ZNF649: variants seen among roughly 807,000 people sequenced by gnomAD.
ZNF649 encodes zinc finger protein 649.
In ZNF649, 7 loss-of-function variants were observed where a neutral mutation model predicts 14.1. The ratio of observed to expected loss-of-function variants is 0.49; its 90% CI spans 0.28 to 0.93. The LOEUF is 0.93. Ranked by LOEUF, ZNF649 falls within the 40% of genes least tolerant of loss-of-function variation. ZNF649 has a pLI of 0.10. For synonymous variants in ZNF649, 227 were observed against 212.3 expected (o/e 1.07, Z -0.60); for missense variants, 544 against 608.1 (o/e 0.89, Z 1.11).
intron 1 of ZNF649, among the ~76,000 whole-genome samples, chr19:51,900,652 A>G (rs934289668): frequency 1.3e-5 from 2 of 152,212 alleles, no homozygotes; most frequent in African/African-American, 4.8e-5. Context: ...TGATTTTCCA[A>G]AACTTATTGT....
At position 51,891,669 on chromosome 19, in the gene ZNF649, C is replaced by G. The variant is rs773857895; in HGVS notation, c.467G>C (p.Arg156Thr). The change falls in exon 5 of 5, where the codon AGA becomes ACA. Residue 156 changes from arginine to threonine, a missense_variant. Arg to Thr is a moderately conservative substitution (Grantham distance 71). Coordinates refer to ENST00000354957, the MANE Select transcript of ZNF649 (RefSeq NM_023074.4). This position sits in a 1 kb window ranked among gnomAD's most constrained non-coding sequence, Gnocchi z 4.2. ...TTGTGACTTGGTGCTGATGGGTTTTCTACTTTCAGGGAATTCAATTTCCGT... is the reference window on the plus strand; with the variant it reads ...TTGTGACTTGGTGCTGATGGGTTTTGTACTTTCAGGGAATTCAATTTCCGT... ...MPTEIEFPES[R>T]KPISTKSQFL... 2.5e-6 allele frequency: 4 copies of G among 1,613,926 alleles called. No homozygotes were observed. In the Admixed American group the frequency reaches 6.7e-5, roughly 27 times the overall value.
At position 51,896,463 on chromosome 19, in the gene ZNF649, C is replaced by T. The variant is rs1262123232; in HGVS notation, c.238+9G>A. 1 of 1,613,548 alleles carries T rather than the reference C, an allele frequency of 6.2e-7. No individual in the cohort carries two copies. The highest frequency in any genetic ancestry group is 1.1e-5 in the South Asian group (1 of 91,056). On this transcript the variant is annotated intron_variant, in intron 4 of 4. Coordinates refer to ENST00000354957, the MANE Select transcript of ZNF649 (RefSeq NM_023074.4). ...TGCCTTCCCCTCTTGCTGGTTCTCTCTCACTTACCTGGGTGGGCTGGACTG... is the reference window on the plus strand; with the variant it reads ...TGCCTTCCCCTCTTGCTGGTTCTCTTTCACTTACCTGGGTGGGCTGGACTG...
At chr19:51,894,108 A>C (rs1055695621) in intron 4 of ZNF649, among the ~76,000 whole-genome samples, 1 of 151,834 alleles carries the variant, frequency 6.6e-6, no homozygotes, top group African/African-American at 2.4e-5. Context: ...TGTGGCCTCC[A>C]TGTGACCAGT....
chr19:51,892,709 T>A (rs1164322616), intron 4 of ZNF649, among the ~76,000 whole-genome samples: 3 of 152,108 alleles, frequency 2.0e-5, no homozygotes, highest in Non-Finnish European at 4.4e-5. Context: ...ACGCTAACTT[T>A]CCTAGAGCAC....
Position 51,896,567 on chromosome 19 carries a change from CCT to C in ZNF649, c.143-2_143-1del, listed in dbSNP as rs749554730. 9.3e-6 allele frequency: 15 copies of C among 1,613,874 alleles called. No individual in the cohort carries two copies. In the Admixed American group the frequency reaches 2.3e-4, roughly 25 times the overall value. On this transcript the variant is annotated splice_acceptor_variant, in intron 3 of 4. Coordinates refer to ENST00000354957, the MANE Select transcript of ZNF649 (RefSeq NM_023074.4). LOFTEE classifies it high-confidence loss of function. ...GGCATCAGGTTTGCCGGCTTGATAC[CCT>C]GTTTGTGGGAAATGGGAGAAGACTT...
intron 2 of ZNF649, 57 bp from the exon 3 acceptor site, chr19:51,897,035 T>A: frequency 6.2e-7 from 1 of 1,609,472 alleles, no homozygotes; most frequent in Non-Finnish European, 8.5e-7. Context: ...GGAAGAAATA[T>A]GAAGTTGTTC....
chr19:51,891,937 C>T lies in ZNF649; in HGVS notation c.239-40G>A, dbSNP rs202228647. On this transcript the variant is annotated intron_variant, in intron 4 of 4. Coordinates refer to ENST00000354957, the MANE Select transcript of ZNF649 (RefSeq NM_023074.4). The surrounding 1 kb of genome is among the most constrained non-coding windows in gnomAD (Gnocchi z 4.2). ...AATAAATCCTTCCATGATCATCACA[C>T]GGAATAAAACTGCTTCAAAGATGCC... 29 of 1,507,494 alleles carry T rather than the reference C, an allele frequency of 1.9e-5. No individual in the cohort carries two copies. The highest frequency in any genetic ancestry group is 1.7e-4 in the South Asian group (12 of 70,786). 93.4% of individuals were successfully genotyped at this position (1,507,494 alleles called of 1,614,324 possible).
At position 51,889,857 on chromosome 19, in the gene ZNF649, T is replaced by C. The variant is rs1568454131; in HGVS notation, c.*761A>G. On this transcript the variant is annotated 3_prime_UTR_variant, in exon 5 of 5. Coordinates refer to ENST00000354957, the MANE Select transcript of ZNF649 (RefSeq NM_023074.4). ...AAGAAGACATAGAATAAACAACAAA[T>C]AGTAAGTTAGTAATTTAAACCTAAA... 6.6e-6 allele frequency: 1 copy of C among 152,082 alleles called. No individual in the cohort carries two copies. Among genetic ancestry groups the C allele is most frequent in the Admixed American group, 6.5e-5 (1 of 15,272 alleles). The allele number at this position is 152,082 out of a possible 1,614,324, so 9.4% of individuals were successfully genotyped here. A position where few individuals can be genotyped will look rare whatever the true frequency, so the allele number is the denominator to read the frequency against.
intron 4 of ZNF649, among the ~76,000 whole-genome samples, chr19:51,893,064 A>G (rs1041882850): frequency 6.6e-6 from 1 of 152,152 alleles, no homozygotes; most frequent in African/African-American, 2.4e-5. Context: ...TCCACAGGCC[A>G]TAACTGCAGC....
rs772762603 is a variant in ZNF649, at chr19:51,891,235, T to C, written c.901A>G (p.Arg301Gly). The C allele has an allele frequency of 2.5e-6, 4 of 1,614,154 alleles. No individual in the cohort carries two copies. The highest frequency in any genetic ancestry group is 3.3e-5 in the Admixed American group (2 of 60,004). The change falls in exon 5 of 5, where the codon AGA becomes GGA. Residue 301 changes from arginine (R) to glycine (G), a missense_variant. Arg to Gly is a moderately radical substitution (Grantham distance 125, BLOSUM62 -2). Transcript: ENST00000354957. The surrounding 1 kb of genome is among the most constrained non-coding windows in gnomAD (Gnocchi z 4.2). Reference protein sequence around the residue: ...QCSECGRAFSRKSLLVVHQRT... With the variant: ...QCSECGRAFSGKSLLVVHQRT... ...TGATGTACAACGAGTAGTGATTTTC[T>C]GGAGAAAGCTCTCCCACATTCGCTG...
In ZNF649 at chr19:51,891,055, G is replaced by C; in HGVS notation, c.1081C>G (p.Leu361Val). 1.9e-6 allele frequency: 3 copies of C among 1,614,182 alleles called. No individual in the cohort carries two copies. Among genetic ancestry groups the C allele is most frequent in the Non-Finnish European group, 2.5e-6 (3 of 1,180,036 alleles). The change falls in exon 5 of 5, where the codon CTT becomes GTT. Residue 361 changes from leucine (L) to valine (V), a missense_variant. Physicochemically the swap from Leu to Val is conservative, Grantham distance 32. Coordinates refer to ENST00000354957, the MANE Select transcript of ZNF649 (RefSeq NM_023074.4). This position sits in a 1 kb window ranked among gnomAD's most constrained non-coding sequence, Gnocchi z 4.2. ...CGKAFSQKSC[L>V]VAHQRYHTGK... The stretch of plus-strand genomic sequence containing the variant: ...GTATGATATCTCTGATGTGCTACAA[G>C]GCAAGACTTCTGGCTGAAGGCCTTG...
Position 51,891,522 on chromosome 19 carries a change from G to T in ZNF649, c.614C>A (p.Pro205His). ...EHKRIHTGKKPHVCSLCGKAF... is the reference protein window; with the variant it reads ...EHKRIHTGKKHHVCSLCGKAF... The stretch of plus-strand genomic sequence containing the variant: ...TTTCCCACACAAGCTACACACGTGG[G>T]GTTTCTTTCCTGTATGAATTCTCTT... Residue 205 changes from proline to histidine, a missense_variant, in exon 5 of 5, where the codon CCC becomes CAC. Pro to His is a moderately conservative substitution (Grantham distance 77). Coordinates refer to ENST00000354957, the MANE Select transcript of ZNF649 (RefSeq NM_023074.4). This position sits in a 1 kb window ranked among gnomAD's most constrained non-coding sequence, Gnocchi z 4.2. The T allele has an allele frequency of 1.2e-6, 2 of 1,614,220 alleles. No homozygotes were observed. Among genetic ancestry groups the T allele is most frequent in the Non-Finnish European group, 1.7e-6 (2 of 1,180,038 alleles).
At chr19:51,902,302 GAT>G (rs1408108546) in intron 1 of ZNF649, among the ~76,000 whole-genome samples, 1 of 152,204 alleles carries the variant, frequency 6.6e-6, no homozygotes, top group Non-Finnish European at 1.5e-5. Flanking sequence ...TGTGTATCTA[GAT>G]ATAGTGTCAG....
chr19:51,891,570 T>C lies in ZNF649; in HGVS notation c.566A>G (p.Lys189Arg). Reference sequence around the variant, plus strand: ...CTTATGCTCAGTGAGCTGAGACTTCTTGAGGAAAGCTTTCCCACAGTCAGT... The same window carrying C: ...CTTATGCTCAGTGAGCTGAGACTTCCTGAGGAAAGCTTTCCCACAGTCAGT... ...ECTDCGKAFL[K>R]KSQLTEHKRI... The change falls in exon 5 of 5, where the codon AAG becomes AGG. Residue 189 changes from lysine to arginine, a missense_variant. Coordinates refer to ENST00000354957, the MANE Select transcript of ZNF649 (RefSeq NM_023074.4). This position sits in a 1 kb window ranked among gnomAD's most constrained non-coding sequence, Gnocchi z 4.2. 6.2e-7 allele frequency: 1 copy of C among 1,614,180 alleles called. No individual in the cohort carries two copies. The highest frequency in any genetic ancestry group is 8.5e-7 in the Non-Finnish European group (1 of 1,180,032).
At chr19:51,897,002 A>G (rs375837157) in intron 2 of ZNF649, 24 bp from the exon 3 acceptor site, 5 of 1,613,334 alleles carry the variant, frequency 3.1e-6, no homozygotes, top group African/African-American at 2.7e-5. Flanking sequence ...GTCCTGCTTA[A>G]TATGTTTCTC....
At chr19:51,897,057 A>C in intron 2 of ZNF649, 79 bp from the exon 3 acceptor site, 9 of 1,591,602 alleles carry the variant, frequency 5.7e-6, no homozygotes, top group Non-Finnish European at 7.7e-6. Flanking sequence ...GCCCATTTTC[A>C]CCACATAAGC....
chr19:51,904,329 C>A (rs985729156), intron 1 of ZNF649: 1 of 152,176 alleles, frequency 6.6e-6, no homozygotes, highest in African/African-American at 2.4e-5. Flanking sequence ...ACAGCCGGCT[C>A]TGCATGAATT....
intron 4 of ZNF649, among the ~76,000 whole-genome samples, chr19:51,894,141 C>CT (rs368688379): frequency 2.0e-3 from 300 of 147,904 alleles, no homozygotes; most frequent in African/African-American, 6.8e-3. Context: ...TTTTTTTTTT[C>CT]TTTTTTTTTG....
chr19:51,896,828 G>A lies in ZNF649; in HGVS notation c.142+24C>T, dbSNP rs201165910. ...AGGCCACTGACTGGGTACCCTCTGAGTGACACAGGGCAGCTGTCCTCACCC... is the reference window on the plus strand; with the variant it reads ...AGGCCACTGACTGGGTACCCTCTGAATGACACAGGGCAGCTGTCCTCACCC... On this transcript the variant is annotated intron_variant, in intron 3 of 4. Transcript: ENST00000354957. The A allele has an allele frequency of 3.9e-5, 63 of 1,614,106 alleles. No individual in the cohort carries two copies. The East Asian group carries it at 1.3e-3, about 34-fold the overall frequency.
Sources: allele counts gnomAD v4.1 joint callset (sites outside exome capture counted in the v4.1 genomes callset), GRCh38; gene constraint gnomAD v4.1.1; non-coding constraint Gnocchi (gnomAD v3.1); transcripts MANE v1.5; gene names NCBI Gene and HGNC (gene_info 2026-07-23, HGNC 2026-07-21).